The following HTR4 variants were observed in gnomAD, a reference collection of about 807,000 sequenced individuals.
The protein encoded by HTR4 is 5-hydroxytryptamine (serotonin) receptor 4, G protein-coupled.
HTR4 carries 16 observed loss-of-function variants against 36.8 expected under a neutral mutation model. The ratio of observed to expected loss-of-function variants is 0.43; its 90% confidence interval spans 0.29 to 0.66. The LOEUF is 0.66. Among genes scored for constraint, HTR4 ranks in the 30% least tolerant of loss-of-function variants. The pLI is 0.13. For missense variants in HTR4, 438 were observed against 490.9 expected (o/e 0.89, Z 1.02); for synonymous variants, 189 against 185.1 (o/e 1.02, Z -0.17).
chr5:148,473,239 A>T (rs529615440), downstream of HTR4, among the ~76,000 whole-genome samples: 11 of 150,324 alleles, frequency 7.3e-5, 1 homozygote, highest in South Asian at 1.9e-3. Flanking sequence ...CAGAGGTTGC[A>T]TGCAGTGAGC....
chr5:148,593,973 T>C (rs1385313604), intron 2 of HTR4, among the ~76,000 whole-genome samples: 1 of 152,206 alleles, frequency 6.6e-6, no homozygotes, highest in African/African-American at 2.4e-5. Context: ...GCATGAATTA[T>C]TGTCACATCT....
chr5:148,615,939 C>T (rs528314882), intron 2 of HTR4, among the ~76,000 whole-genome samples: 38 of 152,262 alleles, frequency 2.5e-4, no homozygotes, highest in African/African-American at 8.2e-4. Context: ...AGATACAGTT[C>T]GGGCAGTCTC....
chr5:148,484,738 T>C (rs1245516750), intron 6 of HTR4, among the ~76,000 whole-genome samples: 1 of 152,222 alleles, frequency 6.6e-6, no homozygotes, highest in Non-Finnish European at 1.5e-5. Context: ...AATAATGAAA[T>C]CTAACTATTT....
intron 2 of HTR4, among the ~76,000 whole-genome samples, chr5:148,610,969 T>A (rs942747252): frequency 6.7e-6 from 1 of 149,996 alleles, no homozygotes; most frequent in African/African-American, 2.5e-5. Context: ...AGAAGGAAAG[T>A]TTAGAGAAAA....
At chr5:148,566,789 C>T (rs974421866) in intron 2 of HTR4, among the ~76,000 whole-genome samples, 2 of 151,928 alleles carry the variant, frequency 1.3e-5, no homozygotes, top group Non-Finnish European at 2.9e-5. Flanking sequence ...ATACGTATGA[C>T]ATACCTGTAT....
At chr5:148,525,085 A>T (rs1758200909) in intron 4 of HTR4, among the ~76,000 whole-genome samples, 1 of 152,164 alleles carries the variant, frequency 6.6e-6, no homozygotes, top group African/African-American at 2.4e-5. Flanking sequence ...AGAATGGGAG[A>T]CTGTCTTGCT....
At chr5:148,622,168 T>C (rs967750466) in intron 2 of HTR4, among the ~76,000 whole-genome samples, 6 of 152,206 alleles carry the variant, frequency 3.9e-5, no homozygotes, top group African/African-American at 1.4e-4. Flanking sequence ...CTAGTACATT[T>C]TGAGAAACTT....
chr5:148,603,886 C>G (rs373100873), intron 2 of HTR4, among the ~76,000 whole-genome samples: 1 of 151,900 alleles, frequency 6.6e-6, no homozygotes, highest in Non-Finnish European at 1.5e-5. Context: ...TAGCCCCACC[C>G]GTAATCATCA....
At chr5:148,504,390 A>T in intron 6 of HTR4, among the ~76,000 whole-genome samples, 1 of 152,252 alleles carries the variant, frequency 6.6e-6, no homozygotes, top group African/African-American at 2.4e-5. Context: ...CTCCTGAATG[A>T]CTACTGGGTA....
intron 1 of HTR4, among the ~76,000 whole-genome samples, chr5:148,651,210 T>G (rs1212669988): frequency 1.3e-5 from 2 of 152,128 alleles, no homozygotes; most frequent in Non-Finnish European, 2.9e-5. Flanking sequence ...GCTATTAAGA[T>G]TATTATTATA....
At chr5:148,520,978 A>G (rs200332927) in intron 5 of HTR4, 147 of 1,367,634 alleles carry the variant, frequency 1.1e-4, no homozygotes, top group Non-Finnish European at 1.4e-4. Flanking sequence ...AAAAAGAACA[A>G]GGCAGGACTA....
At chr5:148,633,481 A>T (rs1581572524) in intron 2 of HTR4, among the ~76,000 whole-genome samples, 1 of 150,860 alleles carries the variant, frequency 6.6e-6, no homozygotes, top group African/African-American at 2.4e-5. Flanking sequence ...CGCACCCATT[A>T]ACTCATCATC....
rs76921565 is a variant in HTR4, at chr5:148,516,957, G to A, written c.507+6236C>T. 2.6e-5 allele frequency among the ~76,000 whole-genome samples: 4 copies of A among 152,158 alleles called. No homozygotes were observed. In the East Asian group the frequency reaches 7.7e-4, roughly 29 times the overall value. ...TTTTACACAGACCTTATATGACTCA[G>A]TAAAGGCCCCAAAGGAAATAGTAGA... is the stretch of plus-strand genomic sequence containing the variant. On this transcript the variant is annotated intron_variant, in intron 5 of 6. Transcript: ENST00000377888.
chr5:148,511,619 T>TG (rs1757500386), intron 5 of HTR4, among the ~76,000 whole-genome samples: 51 of 139,346 alleles, frequency 3.7e-4, no homozygotes, highest in African/African-American at 1.3e-3. Flanking sequence ...TTGTGGAAGT[T>TG]TGTGTGTGTG....
chr5:148,499,811 C>T (rs112745018), intron 6 of HTR4, among the ~76,000 whole-genome samples: 16 of 152,168 alleles, frequency 1.1e-4, no homozygotes, highest in African/African-American at 3.4e-4. Flanking sequence ...CAGTAACAAG[C>T]GAATTGTCAC....
chr5:148,474,953 G>A (rs1324452629), downstream of HTR4, among the ~76,000 whole-genome samples: 1 of 152,076 alleles, frequency 6.6e-6, no homozygotes, highest in Admixed American at 6.5e-5. Flanking sequence ...GGCTGAGGCG[G>A]AGAATTGCTG....
intron 5 of HTR4, among the ~76,000 whole-genome samples, chr5:148,522,101 C>A (rs923623401): frequency 2.1e-4 from 32 of 152,068 alleles, no homozygotes; most frequent in Non-Finnish European, 2.4e-4. Flanking sequence ...AAAGGGGAAA[C>A]CCCCTTCGCT....
chr5:148,555,974 T>A (rs1046845931), intron 2 of HTR4, among the ~76,000 whole-genome samples: 8 of 140,168 alleles, frequency 5.7e-5, no homozygotes, highest in African/African-American at 2.3e-4. Context: ...ACACACACTC[T>A]CTCTCTCTCT....
intron 4 of HTR4, among the ~76,000 whole-genome samples, chr5:148,529,106 C>A (rs939046258): frequency 2.0e-5 from 3 of 151,956 alleles, no homozygotes; most frequent in African/African-American, 7.2e-5. Context: ...AAGAACTGAG[C>A]TGGCATCTAG....
Sources: gnomAD v4.1 joint callset for allele counts (sites outside exome capture counted in the v4.1 genomes callset) on GRCh38, gnomAD v4.1.1 for gene constraint, MANE v1.5 for transcripts, NCBI Gene and HGNC (gene_info 2026-07-23, HGNC 2026-07-21) for gene names.